Variants in HDAC9 observed in about 807,000 individuals in gnomAD.
The protein encoded by HDAC9 is histone deacetylase 9.
HDAC9 carries 41 observed loss-of-function variants against 139.4 expected under a neutral mutation model. That is an observed-to-expected ratio of 0.29 (90% CI 0.23 to 0.38). The LOEUF is 0.38. Ranked by LOEUF, HDAC9 falls within the 10% of genes least tolerant of loss-of-function variation. The pLI is 1.00. For synonymous variants in HDAC9, 517 were observed against 476.2 expected, an observed-to-expected ratio of 1.09 and a Z score of -1.12; for missense variants, 1,147 against 1,297.0, an observed-to-expected ratio of 0.88 and a Z score of 1.78.
At chr7:18,129,457 A>G (rs1273431598) in intron 1 of HDAC9, among the ~76,000 whole-genome samples, 1 of 152,130 alleles carries the variant, frequency 6.6e-6, no homozygotes, top group Non-Finnish European at 1.5e-5. Flanking sequence ...AGCATTTAGT[A>G]GGGTCTTATG....
intron 2 of HDAC9, among the ~76,000 whole-genome samples, chr7:18,583,579 T>TA (rs11418791): frequency 0.33 from 45,329 of 136,574 alleles, 7,856 homozygotes; most frequent in East Asian, 0.52. Flanking sequence ...ACCCCAGCTA[T>TA]AAAAAAAAAA....
intron 17 of HDAC9, among the ~76,000 whole-genome samples, chr7:18,824,363 G>A (rs1795252169): frequency 6.6e-6 from 1 of 152,162 alleles, no homozygotes; most frequent in Non-Finnish European, 1.5e-5. Context: ...GAGACAAGAT[G>A]ACTAAGTGTA....
At chr7:18,795,511 C>T (rs890443904) in intron 17 of HDAC9, among the ~76,000 whole-genome samples, 7 of 152,068 alleles carry the variant, frequency 4.6e-5, no homozygotes, top group South Asian at 2.1e-4. Context: ...GCATCCCAAG[C>T]GGTAGATATT....
chr7:18,233,590 T>G (rs543160066), intron 2 of HDAC9, among the ~76,000 whole-genome samples: 1 of 152,158 alleles, frequency 6.6e-6, no homozygotes, highest in Non-Finnish European at 1.5e-5. Context: ...ACAGCTAATT[T>G]ATAAAACAAG....
intron 2 of HDAC9, among the ~76,000 whole-genome samples, chr7:18,259,068 C>G (rs943547860): frequency 6.8e-6 from 1 of 147,098 alleles, no homozygotes; most frequent in Non-Finnish European, 1.5e-5. Context: ...CTCCTGGGTT[C>G]AAGCACTTCT....
chr7:18,689,233 A>T (rs555450879), intron 12 of HDAC9, among the ~76,000 whole-genome samples: 17,065 of 151,912 alleles, frequency 0.11, 1,432 homozygotes, highest in East Asian at 0.37. Context: ...GCAACTTCCA[A>T]ATGAATACAT....
rs535042554 is a variant in HDAC9 at position 18,622,618 on chromosome 7, G to A, written c.665-6732G>A. On this transcript the variant is annotated intron_variant, in intron 6 of 25. Transcript: ENST00000686413. ...ATTACGGGTGTGAGCCACCGTGCCC[G>A]GCCTAAAGAAACATTTATTAATCTA... is the stretch of plus-strand genomic sequence containing the variant. Among the ~76,000 whole-genome samples, 45 of 151,584 alleles carry A rather than the reference G, an allele frequency of 3.0e-4. 1 individual carries two copies. The highest frequency in any genetic ancestry group is 2.6e-3 in the Admixed American group (39 of 15,248).
chr7:18,882,421 G>A (rs1488283795), intron 22 of HDAC9, among the ~76,000 whole-genome samples: 1 of 152,030 alleles, frequency 6.6e-6, no homozygotes, highest in Non-Finnish European at 1.5e-5. Context: ...CGGAGACCCA[G>A]CTGTTAACAC....
In HDAC9 at chr7:18,951,794, C is replaced by T. The variant is rs536104076; in HGVS notation, c.2938-2352C>T. On this transcript the variant is annotated intron_variant, in intron 23 of 25. Coordinates refer to ENST00000686413, the MANE Select transcript of HDAC9 (RefSeq NM_178425.4). ...GTTATTAAATTATGAATAATGACAA[C>T]ACTCATAAATATTTATTAAGTGGAT... is the stretch of plus-strand genomic sequence containing the variant. Among the ~76,000 whole-genome samples, 266 of 151,836 alleles carry T rather than the reference C, an allele frequency of 1.8e-3. 3 individuals are homozygous for T. Among genetic ancestry groups the T allele is most frequent in the African/African-American group, 6.1e-3 (255 of 41,468 alleles).
chr7:18,485,460 A>T (rs1468160560), intron 1 of HDAC9, among the ~76,000 whole-genome samples: 4 of 149,696 alleles, frequency 2.7e-5, no homozygotes, highest in Non-Finnish European at 5.9e-5. Context: ...TATTTATTAT[A>T]TATATTTATT....
At chr7:18,242,408 T>C (rs1794247220) in intron 2 of HDAC9, among the ~76,000 whole-genome samples, 1 of 152,188 alleles carries the variant, frequency 6.6e-6, no homozygotes, top group Non-Finnish European at 1.5e-5. Context: ...CTGAGAAAAA[T>C]GACTGGATAA....
Position 18,435,059 on chromosome 7 carries a change from C to CAAAAAAAAAAAAAAAAAAAA in HDAC9, c.-41-61200_-41-61181dup, listed in dbSNP as rs376786180. On this transcript the variant is annotated intron_variant, in intron 1 of 3. Coordinates refer to the HDAC9 transcript ENST00000413509. ...TATACCCCATGAAATACTACACAGC[C>CAAAAAAAAAAAAAAAAAAAA]AAAAAAAAAAAAAAAAAAAAAAGAA... Among the ~76,000 whole-genome samples, 22 of 67,782 alleles carry CAAAAAAAAAAAAAAAAAAAA rather than the reference C, an allele frequency of 3.2e-4. 1 individual carries two copies. Among genetic ancestry groups the CAAAAAAAAAAAAAAAAAAAA allele is most frequent in the East Asian group, 1.4e-3 (3 of 2,144 alleles). The allele number at this position is 67,782 out of a possible 152,430, so 44.5% of individuals were successfully genotyped here. A position where few individuals can be genotyped will look rare whatever the true frequency, so the allele number is the denominator to read the frequency against.
At chr7:18,300,239 T>G (rs1421337854) in intron 1 of HDAC9, among the ~76,000 whole-genome samples, 1 of 152,114 alleles carries the variant, frequency 6.6e-6, no homozygotes, top group African/African-American at 2.4e-5. Context: ...GTTAGTGCAT[T>G]TTATGTGTGG....
chr7:18,625,397 C>T (rs1841404136), intron 6 of HDAC9, among the ~76,000 whole-genome samples: 1 of 152,158 alleles, frequency 6.6e-6, no homozygotes, highest in African/African-American at 2.4e-5. Flanking sequence ...CAGGGTTTCT[C>T]ATACTTCGCA....
intron 16 of HDAC9, among the ~76,000 whole-genome samples, chr7:18,788,756 A>G (rs1792040504): frequency 6.6e-6 from 1 of 150,686 alleles, no homozygotes; most frequent in African/African-American, 2.4e-5. Flanking sequence ...CTCTGTTTAA[A>G]AAAAAAAAAA....
chr7:18,583,965 G>A (rs898258551), intron 2 of HDAC9, among the ~76,000 whole-genome samples: 7 of 151,970 alleles, frequency 4.6e-5, no homozygotes, highest in Non-Finnish European at 4.4e-5. Context: ...CTGAACTACA[G>A]AATTTTCCCG....
At chr7:18,638,265 C>T (rs1784515245) in intron 8 of HDAC9, among the ~76,000 whole-genome samples, 1 of 152,114 alleles carries the variant, frequency 6.6e-6, no homozygotes, top group African/African-American at 2.4e-5. Flanking sequence ...TCCTATTGTG[C>T]TGCTTCAGAA....
At chr7:18,877,781 A>T (rs1212067837) in intron 22 of HDAC9, among the ~76,000 whole-genome samples, 4 of 152,132 alleles carry the variant, frequency 2.6e-5, no homozygotes, top group Non-Finnish European at 5.9e-5. Context: ...ATTTAAAATT[A>T]AAGGTAATTC....
At chr7:18,798,924 C>A (rs912289712) in intron 17 of HDAC9, among the ~76,000 whole-genome samples, 1 of 151,976 alleles carries the variant, frequency 6.6e-6, no homozygotes, top group South Asian at 2.1e-4. Flanking sequence ...TCAGGAAAGA[C>A]CTGAAAAGGC....
Sources: gnomAD v4.1 joint callset for allele counts (sites outside exome capture counted in the v4.1 genomes callset) on GRCh38, gnomAD v4.1.1 for gene constraint, MANE v1.5 for transcripts, NCBI Gene and HGNC (gene_info 2026-07-23, HGNC 2026-07-21) for gene names.